Variants in NDRG4 observed in about 807,000 individuals in gnomAD.
The protein encoded by NDRG4 is NDRG family member 4.
A neutral mutation model predicts 55.8 loss-of-function variants in NDRG4; 38 were observed. That is an observed-to-expected ratio of 0.68 (90% confidence interval 0.53 to 0.89). The LOEUF (loss-of-function observed/expected upper bound fraction) is 0.89, where lower values mean the gene tolerates loss of function less well. NDRG4 is among the 40% of genes least tolerant of loss of function. NDRG4 has a pLI of 0.00. For missense variants in NDRG4, 455 were observed against 468.6 expected, an observed-to-expected ratio of 0.97 and a Z score of 0.27; for synonymous variants, 190 against 182.7, an observed-to-expected ratio of 1.04 and a Z score of -0.32.
intron 1 of NDRG4, among the ~76,000 whole-genome samples, chr16:58,481,857 G>A (rs1472223837): frequency 6.6e-6 from 1 of 152,172 alleles, no homozygotes; most frequent in Admixed American, 6.5e-5. Context: ...TAAGGACAGG[G>A]AGAGAAATAA....
intron 1 of NDRG4, chr16:58,487,664 T>TC (rs1310617780): frequency 2.9e-6 from 3 of 1,041,688 alleles, no homozygotes; most frequent in Non-Finnish European, 4.1e-6. Flanking sequence ...GCATCTGGTT[T>TC]CCGCGCTCCC....
At chr16:58,503,263 C>T (rs551364115) in intron 1 of NDRG4, among the ~76,000 whole-genome samples, 15 of 152,138 alleles carry the variant, frequency 9.9e-5, no homozygotes, top group African/African-American at 3.1e-4. Context: ...CACAGAAGGG[C>T]GTTCAAGGTG....
chr16:58,479,159 G>C (rs555047540), intron 1 of NDRG4, among the ~76,000 whole-genome samples: 1 of 152,252 alleles, frequency 6.6e-6, no homozygotes, highest in South Asian at 2.1e-4. Context: ...CTCCCAAAGT[G>C]CTGGGATTAC....
chr16:58,493,289 G>A (rs1597211638), intron 2 of NDRG4, among the ~76,000 whole-genome samples: 1 of 152,216 alleles, frequency 6.6e-6, no homozygotes, highest in East Asian at 1.9e-4. Flanking sequence ...TTGTTTTTGA[G>A]ACAGAGTCTC....
At chr16:58,510,841 C>A in intron 14 of NDRG4, 158 bp downstream of exon 14, 4 of 721,946 alleles carry the variant, frequency 5.5e-6, no homozygotes, top group Non-Finnish European at 9.4e-6. Flanking sequence ...TCTTGCTTTT[C>A]TGCAGGCTTG....
At chr16:58,475,066 C>G (rs1222658512) in intron 1 of NDRG4, among the ~76,000 whole-genome samples, 1 of 152,202 alleles carries the variant, frequency 6.6e-6, no homozygotes, top group African/African-American at 2.4e-5. Flanking sequence ...CTCGGGCTCT[C>G]TCTTTACTGG....
At chr16:58,484,929 T>C (rs1379491253) in intron 1 of NDRG4, among the ~76,000 whole-genome samples, 1 of 150,920 alleles carries the variant, frequency 6.6e-6, no homozygotes, top group Non-Finnish European at 1.5e-5. Flanking sequence ...GTCCCCAGGC[T>C]GGAGTACAGT....
Position 58,510,687 on chromosome 16 carries a change from GC to G in NDRG4, c.904+8del. On this transcript the variant is annotated splice_donor_5th_base_variant and intron_variant, in intron 14 of 14. Transcript: ENST00000570248. ...CGAAGGCTGAGTGGAGGAGCAGGTA[GC>G]CCCACGGCCCTTCCCCTGATGCATG... is the stretch of plus-strand genomic sequence containing the variant. 4.6e-6 allele frequency: 7 copies of G among 1,535,928 alleles called. No homozygotes were observed. Among genetic ancestry groups the G allele is most frequent in the Non-Finnish European group, 5.2e-6 (6 of 1,146,838 alleles).
chr16:58,475,320 T>C (rs1444712288), intron 1 of NDRG4, among the ~76,000 whole-genome samples: 1 of 152,186 alleles, frequency 6.6e-6, no homozygotes, highest in Non-Finnish European at 1.5e-5. Context: ...TATTGTGAGC[T>C]TGTGAGGTGT....
chr16:58,466,791 C>G (rs2031775432), intron 1 of NDRG4, among the ~76,000 whole-genome samples: 1 of 152,228 alleles, frequency 6.6e-6, no homozygotes, highest in South Asian at 2.1e-4. Flanking sequence ...ACCTCTCAGA[C>G]TTCAGCCCTC....
In NDRG4 at chr16:58,512,353, G is replaced by A; in HGVS notation, c.*777G>A. ...CCTGACTGGGGGTGAGGGAGAAGGA[G>A]GAGAGAGCCCATGTGTGGTGTGTGT... On this transcript the variant is annotated 3_prime_UTR_variant, in exon 15 of 15. Coordinates refer to ENST00000570248, the MANE Select transcript of NDRG4 (RefSeq NM_001242835.2). 9.2e-6 allele frequency: 3 copies of A among 325,718 alleles called. No individual in the cohort carries two copies. Among genetic ancestry groups the A allele is most frequent in the South Asian group, 4.5e-5 (2 of 44,816 alleles). The allele number at this position is 325,718 out of a possible 1,614,324, so 20.2% of individuals were successfully genotyped here.
Position 58,511,954 on chromosome 16 carries a change from CAG to C in NDRG4, c.*379_*380del, listed in dbSNP as rs1341093304. On this transcript the variant is annotated 3_prime_UTR_variant, in exon 15 of 15. Transcript: ENST00000570248. ...CTTCGAGAGGGTGGGTGCTGGGCCACAGGGGTGCGGGGCCAGCTCAGGCACTG... is the reference window on the plus strand; with the variant it reads ...CTTCGAGAGGGTGGGTGCTGGGCCACGGGTGCGGGGCCAGCTCAGGCACTG... 5.0e-5 allele frequency: 23 copies of C among 460,018 alleles called. No individual in the cohort carries two copies. Among genetic ancestry groups the C allele is most frequent in the Middle Eastern group, 3.7e-4 (1 of 2,708 alleles). The allele number at this position is 460,018 out of a possible 1,614,324, so 28.5% of individuals were successfully genotyped here. A position where few individuals can be genotyped will look rare whatever the true frequency, so the allele number is the denominator to read the frequency against.
At chr16:58,466,491 G>A (rs1465715989) in intron 1 of NDRG4, among the ~76,000 whole-genome samples, 1 of 152,188 alleles carries the variant, frequency 6.6e-6, no homozygotes, top group African/African-American at 2.4e-5. Flanking sequence ...TCATCTCCTG[G>A]ATAGAGGAGT....
intron 2 of NDRG4, among the ~76,000 whole-genome samples, chr16:58,490,551 A>G (rs2035656589): frequency 6.6e-6 from 1 of 152,116 alleles, no homozygotes; most frequent in African/African-American, 2.4e-5. Context: ...AGAGTTTGCC[A>G]CTATAACATC....
chr16:58,501,765 G>T (rs2037148760), intron 1 of NDRG4: 1 of 333,140 alleles, frequency 3.0e-6, no homozygotes, highest in Non-Finnish European at 6.1e-6. Flanking sequence ...CACCTCAGGG[G>T]GATGGGGACA....
chr16:58,507,122 G>C, intron 8 of NDRG4, 107 bp downstream of exon 8: 2 of 826,224 alleles, frequency 2.4e-6, no homozygotes, highest in Non-Finnish European at 2.0e-6. Flanking sequence ...CTGGTTTGTA[G>C]ATGGGCACGA....
At chr16:58,483,471 A>C (rs192208706) in intron 1 of NDRG4, among the ~76,000 whole-genome samples, 320 of 152,236 alleles carry the variant, frequency 2.1e-3, no homozygotes, top group Middle Eastern at 0.01. Flanking sequence ...CCACTAACAC[A>C]GCGCAGGAGC....
rs2037628480 is a variant in NDRG4, at chr16:58,504,745, G to A, written c.372+96G>A. ...GGGGGAACCCTTCAGCCTTGAGGAA[G>A]TGTCCCTGCTCTCGCTTCTCCTCCT... On this transcript the variant is annotated intron_variant, in intron 5 of 14. Transcript: ENST00000570248. 1.2e-5 allele frequency: 16 copies of A among 1,372,246 alleles called. No homozygotes were observed. The East Asian group carries it at 1.4e-4, about 12-fold the overall frequency. The allele number at this position is 1,372,246 out of a possible 1,614,324, so 85.0% of individuals were successfully genotyped here.
At chr16:58,506,819 G>A in intron 7 of NDRG4, 93 bp from the exon 8 acceptor site, 2 of 1,314,852 alleles carry the variant, frequency 1.5e-6, no homozygotes, top group Non-Finnish European at 2.2e-6. Context: ...GTGGGGCAAG[G>A]GCCACTCTGG....
Sources: allele counts gnomAD v4.1 joint callset (sites outside exome capture counted in the v4.1 genomes callset), GRCh38; gene constraint gnomAD v4.1.1; transcripts MANE v1.5; gene names NCBI Gene and HGNC (gene_info 2026-07-23, HGNC 2026-07-21).